SOX5: variants seen among roughly 807,000 people sequenced by gnomAD.
SOX5 encodes transcription factor SOX-5.
SOX5 carries 9 observed loss-of-function variants against 92.0 expected under a neutral mutation model. The ratio of observed to expected loss-of-function variants is 0.10; its 90% CI spans 0.06 to 0.17. The LOEUF (loss-of-function observed/expected upper bound fraction) is 0.17. Ranked by LOEUF, SOX5 falls within the 10% of genes least tolerant of loss-of-function variation. The pLI is 1.00. For missense variants in SOX5, 642 were observed against 944.5 expected (o/e 0.68, Z 4.20); for synonymous variants, 344 against 336.3 (o/e 1.02, Z -0.25).
chr12:24,545,848 C>G (rs1566439804), intron 1 of SOX5, among the ~76,000 whole-genome samples: 1 of 152,196 alleles, frequency 6.6e-6, no homozygotes, highest in Non-Finnish European at 1.5e-5. Flanking sequence ...TTATAAAGGC[C>G]TGGCTCTGGG....
At chr12:24,523,304 T>C (rs1282670695) in intron 1 of SOX5, among the ~76,000 whole-genome samples, 2 of 152,138 alleles carry the variant, frequency 1.3e-5, no homozygotes, top group East Asian at 1.9e-4. Flanking sequence ...TGTTAAAGTG[T>C]CCATACTACC....
At chr12:24,205,260 C>A (rs769224187) in intron 4 of SOX5, among the ~76,000 whole-genome samples, 31 of 152,136 alleles carry the variant, frequency 2.0e-4, no homozygotes, top group Non-Finnish European at 2.6e-4. Context: ...ATATACTTAT[C>A]CCAACTCCTA....
At chr12:23,656,154 C>T (rs2082276302) in intron 7 of SOX5, among the ~76,000 whole-genome samples, 1 of 151,006 alleles carries the variant, frequency 6.6e-6, no homozygotes, top group Non-Finnish European at 1.5e-5. Context: ...GGGACTGTGA[C>T]TACTAAGGTC....
At chr12:24,504,472 A>C (rs958802687) in intron 1 of SOX5, among the ~76,000 whole-genome samples, 1 of 152,248 alleles carries the variant, frequency 6.6e-6, no homozygotes, top group African/African-American at 2.4e-5. Flanking sequence ...TTCCAACAAA[A>C]TACGCAAATC....
At chr12:23,696,594 AT>A (rs1157701543) in intron 6 of SOX5, among the ~76,000 whole-genome samples, 2 of 151,968 alleles carry the variant, frequency 1.3e-5, no homozygotes, top group Non-Finnish European at 2.9e-5. Context: ...CTTATTTTAC[AT>A]TTCTATTTTT....
intron 1 of SOX5, among the ~76,000 whole-genome samples, chr12:24,510,775 C>T (rs967427302): frequency 6.6e-6 from 1 of 152,138 alleles, no homozygotes; most frequent in African/African-American, 2.4e-5. Context: ...TGCCAGATAC[C>T]AGCATGATTT....
intron 9 of SOX5, among the ~76,000 whole-genome samples, chr12:23,597,248 C>T (rs1379454632): frequency 2.0e-5 from 3 of 152,208 alleles, no homozygotes; most frequent in African/African-American, 7.2e-5. Flanking sequence ...AGGACATTAC[C>T]TAAATCATTC....
At chr12:24,394,536 C>T (rs773266705) in intron 1 of SOX5, among the ~76,000 whole-genome samples, 1 of 152,176 alleles carries the variant, frequency 6.6e-6, no homozygotes, top group Non-Finnish European at 1.5e-5. Context: ...AGAGGTCTCA[C>T]AGGACAGATG....
At chr12:24,162,018 C>T (rs1952815128) in intron 4 of SOX5, among the ~76,000 whole-genome samples, 1 of 151,968 alleles carries the variant, frequency 6.6e-6, no homozygotes, top group Non-Finnish European at 1.5e-5. Flanking sequence ...CTGGGCAATG[C>T]TGAAGACATT....
At chr12:24,045,634 A>C (rs10083143) in intron 4 of SOX5, among the ~76,000 whole-genome samples, 7,154 of 152,176 alleles carry the variant, frequency 0.047, 220 homozygotes, top group Middle Eastern at 0.092. Context: ...GCCAATGAGA[A>C]ACTGCTATGT....
At chr12:23,997,773 A>T (rs1951178797) in intron 4 of SOX5, among the ~76,000 whole-genome samples, 1 of 152,224 alleles carries the variant, frequency 6.6e-6, no homozygotes, top group South Asian at 2.1e-4. Context: ...CACTAAAACG[A>T]TTTAGAGGAA....
At chr12:23,605,382 C>T (rs2075113455) in intron 8 of SOX5, among the ~76,000 whole-genome samples, 1 of 150,456 alleles carries the variant, frequency 6.6e-6, no homozygotes, top group Non-Finnish European at 1.5e-5. Flanking sequence ...TTTCCTTTCA[C>T]AACTTTGTTA....
chr12:23,751,664 A>T (rs546028825), intron 4 of SOX5, among the ~76,000 whole-genome samples: 1 of 151,990 alleles, frequency 6.6e-6, no homozygotes, highest in East Asian at 1.9e-4. Flanking sequence ...TCTTTAATTC[A>T]TGAGCTCTGA....
intron 1 of SOX5, among the ~76,000 whole-genome samples, chr12:24,375,372 G>T (rs1957154731): frequency 6.6e-6 from 1 of 152,124 alleles, no homozygotes; most frequent in South Asian, 2.1e-4. Flanking sequence ...AAACAAAGAG[G>T]ATTTGACACA....
chr12:24,316,271 C>T (rs1398553994), intron 2 of SOX5, among the ~76,000 whole-genome samples: 3 of 152,142 alleles, frequency 2.0e-5, no homozygotes, highest in South Asian at 4.1e-4. Context: ...GGTGGAGGGT[C>T]TATCGTGACA....
chr12:23,679,964 T>TG (rs2086312145), intron 6 of SOX5, among the ~76,000 whole-genome samples: 4 of 150,684 alleles, frequency 2.7e-5, no homozygotes, highest in South Asian at 4.2e-4. Flanking sequence ...TAGTAACAAG[T>TG]AAAAAAAAAC....
intron 3 of SOX5, among the ~76,000 whole-genome samples, chr12:24,271,538 C>G (rs1318298622): frequency 6.6e-6 from 1 of 152,066 alleles, no homozygotes; most frequent in Non-Finnish European, 1.5e-5. Context: ...GCTTTTTTGG[C>G]TTAAAGAATC....
chr12:24,505,855 G>GCA (rs1948677227), intron 1 of SOX5, among the ~76,000 whole-genome samples: 3 of 127,026 alleles, frequency 2.4e-5, no homozygotes, highest in African/African-American at 5.8e-5. Flanking sequence ...GTGTGTGTGC[G>GCA]TGTGTGTGTG....
intron 4 of SOX5, among the ~76,000 whole-genome samples, chr12:23,987,957 T>C (rs545761097): frequency 9.9e-4 from 150 of 152,242 alleles, no homozygotes; most frequent in African/African-American, 3.4e-3. Flanking sequence ...AAAATGGAAG[T>C]AGAGAAACTT....
Sources: allele counts gnomAD v4.1 joint callset (sites outside exome capture counted in the v4.1 genomes callset), GRCh38; gene constraint gnomAD v4.1.1; transcripts MANE v1.5; gene names NCBI Gene and HGNC (gene_info 2026-07-23, HGNC 2026-07-21).